The following LAMA2 variants were observed in gnomAD, a reference collection of about 807,000 sequenced individuals.
LAMA2 encodes laminin subunit alpha-2.
Under a neutral mutation model 364.8 loss-of-function variants are expected in LAMA2, and 269 were observed. The ratio of observed to expected loss-of-function variants is 0.74; its 90% CI spans 0.67 to 0.82. The LOEUF is 0.82. Ranked by LOEUF, LAMA2 falls within the 40% of genes least tolerant of loss-of-function variation. The probability of loss-of-function intolerance (pLI) is 0.00; values close to 1 mark genes in which losing one functional copy is unlikely to be tolerated. For synonymous variants in LAMA2, 1,379 were observed against 1,370.6 expected, an observed-to-expected ratio of 1.01 and a Z score of -0.14; for missense variants, 3,807 against 3,873.2, an observed-to-expected ratio of 0.98 and a Z score of 0.45.
intron 37 of LAMA2, among the ~76,000 whole-genome samples, chr6:129,400,468 A>G (rs1779906869): frequency 1.3e-5 from 2 of 152,226 alleles, no homozygotes; most frequent in African/African-American, 4.8e-5. Flanking sequence ...AAAAAACTAT[A>G]AGTGGTCAAA....
chr6:129,383,263 A>G (rs1341317604), intron 35 of LAMA2, 30 bp downstream of exon 35: 9 of 1,505,590 alleles, frequency 6.0e-6, no homozygotes, highest in Middle Eastern at 1.7e-4. Flanking sequence ...TTTAATCATC[A>G]TTTCTCCCAA....
At chr6:129,353,042 A>T in intron 31 of LAMA2, 122 bp from the exon 32 acceptor site, 1 of 667,228 alleles carries the variant, frequency 1.5e-6, no homozygotes, top group South Asian at 2.0e-5. Flanking sequence ...TTACAGGAAA[A>T]GTTAACTAAT....
chr6:129,248,845 C>G (rs1405442682), intron 12 of LAMA2, among the ~76,000 whole-genome samples: 2 of 152,162 alleles, frequency 1.3e-5, no homozygotes, highest in Admixed American at 1.3e-4. Flanking sequence ...CTAAAATCTT[C>G]CACATAGGTT....
chr6:129,438,683 A>G lies in LAMA2; in HGVS notation c.6006A>G (p.Ile2002Met), dbSNP rs980785600. 13 of 1,608,864 alleles carry G rather than the reference A, an allele frequency of 8.1e-6. No individual in the cohort carries two copies. The highest frequency in any genetic ancestry group is 2.2e-5 in the East Asian group (1 of 44,726). Residue 2002 changes from isoleucine (I) to methionine (M), a missense_variant, in exon 42 of 65, where the codon ATA becomes ATG. Ile to Met is a conservative substitution (Grantham distance 10). This residue lies in a region of LAMA2 where 3,333 missense variants were observed against 3,345.7 expected (regional missense o/e 1.00). Transcript: ENST00000421865. ...EDHLNGLKTRIENADARNGDL... is the reference protein window; with the variant it reads ...EDHLNGLKTRMENADARNGDL... ...ATCTAAATGGCTTAAAAACCAGGAT[A>G]GAAAATGCTGATGCTAGAAATGGGG...
intron 39 of LAMA2, among the ~76,000 whole-genome samples, chr6:129,403,123 A>G (rs908647240): frequency 1.2e-4 from 18 of 152,236 alleles, no homozygotes; most frequent in African/African-American, 4.3e-4. Flanking sequence ...GTAATTTAAT[A>G]GCGGTGCTAT....
At chr6:128,922,231 G>A (rs1312957785) in intron 1 of LAMA2, among the ~76,000 whole-genome samples, 23 of 151,118 alleles carry the variant, frequency 1.5e-4, no homozygotes, top group African/African-American at 5.1e-4. Context: ...CCAGTAATGG[G>A]ATGGCTGGGT....
intron 4 of LAMA2, among the ~76,000 whole-genome samples, chr6:129,122,195 A>G (rs1196949902): frequency 6.6e-6 from 1 of 152,240 alleles, no homozygotes; most frequent in South Asian, 2.1e-4. Flanking sequence ...AATTATTACC[A>G]GAATATTGAA....
rs966017655 is a variant in LAMA2 at position 128,901,089 on chromosome 6, C to T, written c.112+17732C>T. ...GGAAGATTACTTGAACCCGGGAGGTCGAGGCTGCAGTGACCCATGATCACA... is the reference window on the plus strand; with the variant it reads ...GGAAGATTACTTGAACCCGGGAGGTTGAGGCTGCAGTGACCCATGATCACA... On this transcript the variant is annotated intron_variant, in intron 1 of 64. Transcript: ENST00000421865. 8.5e-5 allele frequency among the ~76,000 whole-genome samples: 13 copies of T among 152,134 alleles called. 1 individual carries two copies. Among genetic ancestry groups the T allele is most frequent in the Non-Finnish European group, 1.5e-4 (10 of 68,034 alleles).
intron 4 of LAMA2, among the ~76,000 whole-genome samples, chr6:129,134,649 G>A (rs780149943): frequency 6.6e-6 from 1 of 152,122 alleles, no homozygotes; most frequent in Non-Finnish European, 1.5e-5. Flanking sequence ...TGCAAGCTAG[G>A]TCCCTCACAT....
chr6:128,929,191 G>A (rs1779286875), intron 1 of LAMA2: 1 of 1,488,602 alleles, frequency 6.7e-7, no homozygotes, highest in Admixed American at 1.7e-5. Context: ...TAGTTACAGA[G>A]GCAAGAGCTC....
At chr6:129,363,664 C>T (rs1198313119) in intron 32 of LAMA2, among the ~76,000 whole-genome samples, 1 of 152,238 alleles carries the variant, frequency 6.6e-6, no homozygotes, top group South Asian at 2.1e-4. Context: ...AAAGCACATT[C>T]TCAGTCAGAG....
At chr6:129,370,337 CT>C (rs1279118380) in intron 34 of LAMA2, among the ~76,000 whole-genome samples, 13 of 152,154 alleles carry the variant, frequency 8.5e-5, no homozygotes, top group African/African-American at 3.1e-4. Flanking sequence ...AATGAAAATG[CT>C]TGTGGTCTCT....
intron 1 of LAMA2, among the ~76,000 whole-genome samples, chr6:128,914,994 A>G (rs1692377452): frequency 6.6e-6 from 1 of 152,144 alleles, no homozygotes; most frequent in African/African-American, 2.4e-5. Flanking sequence ...TTTTAAGTAA[A>G]AGTACAATTA....
intron 41 of LAMA2, among the ~76,000 whole-genome samples, chr6:129,435,763 A>G (rs1171796564): frequency 6.6e-6 from 1 of 152,132 alleles, no homozygotes; most frequent in Non-Finnish European, 1.5e-5. Context: ...TCATTAATTA[A>G]TATGTCCCGT....
intron 35 of LAMA2, among the ~76,000 whole-genome samples, chr6:129,390,951 C>G (rs755583760): frequency 4.6e-5 from 7 of 152,038 alleles, no homozygotes; most frequent in Non-Finnish European, 8.8e-5. Flanking sequence ...TAACCCTTCT[C>G]CTAGAAGGGT....
At chr6:129,504,567 T>TA (rs1412733554) in intron 60 of LAMA2, among the ~76,000 whole-genome samples, 1 of 152,194 alleles carries the variant, frequency 6.6e-6, no homozygotes, top group African/African-American at 2.4e-5. Flanking sequence ...TCAAGGTTTT[T>TA]ATACTCCAGC....
intron 43 of LAMA2, among the ~76,000 whole-genome samples, chr6:129,442,052 C>G (rs7738519): frequency 6.6e-6 from 1 of 152,032 alleles, no homozygotes; most frequent in African/African-American, 2.4e-5. Flanking sequence ...CTTGGGTAAT[C>G]TGTGCTTTTC....
At chr6:129,507,176 TA>T (rs1169111135) in intron 61 of LAMA2, among the ~76,000 whole-genome samples, 1 of 151,754 alleles carries the variant, frequency 6.6e-6, no homozygotes, top group African/African-American at 2.4e-5. Flanking sequence ...AGAGACCAAT[TA>T]AAACTTATGA....
At chr6:129,457,132 G>A (rs988562798) in intron 48 of LAMA2, among the ~76,000 whole-genome samples, 26 of 151,992 alleles carry the variant, frequency 1.7e-4, no homozygotes, top group African/African-American at 6.3e-4. Flanking sequence ...GATAATCCTG[G>A]GCTTGTCAGA....
Sources: allele counts gnomAD v4.1 joint callset (sites outside exome capture counted in the v4.1 genomes callset), GRCh38; gene constraint gnomAD v4.1.1; regional missense constraint gnomAD v4.1.1; transcripts MANE v1.5; gene names NCBI Gene and HGNC (gene_info 2026-07-23, HGNC 2026-07-21).